Variants in SPATA21 observed in about 807,000 individuals in gnomAD.
SPATA21 encodes the protein spermatogenesis associated 21.
Under a neutral mutation model 54.8 loss-of-function variants are expected in SPATA21, and 47 were observed. That is an observed-to-expected ratio of 0.86 (90% CI 0.68 to 1.09). The LOEUF is 1.09. Among genes scored for constraint, SPATA21 ranks in the 50% least tolerant of loss-of-function variants. The pLI, the probability that SPATA21 is intolerant of heterozygous loss-of-function variation, is 0.00. For missense variants in SPATA21, 599 were observed against 596.4 expected, an observed-to-expected ratio of 1.00 and a Z score of -0.05; for synonymous variants, 245 against 235.3, an observed-to-expected ratio of 1.04 and a Z score of -0.38.
Position 16,428,255 on chromosome 1 carries a change from A to G in SPATA21, c.34+3083T>C, listed in dbSNP as rs2086371350. On this transcript the variant is annotated intron_variant, in intron 3 of 12. Coordinates refer to ENST00000335496, the MANE Select transcript of SPATA21 (RefSeq NM_198546.1). The surrounding 1 kb of genome is among the most constrained non-coding windows in gnomAD (Gnocchi z 4.3). ...TCTGGTATGAACTGGAGTCCAGATT[A>G]GTACCCGAGACAAGGGGATTGCCTT... Among the ~76,000 whole-genome samples, 1 of 152,204 alleles carries G rather than the reference A, an allele frequency of 6.6e-6. No individual in the cohort carries two copies.
chr1:16,411,868 C>G (rs12757664), intron 5 of SPATA21, among the ~76,000 whole-genome samples: 44,921 of 150,762 alleles, frequency 0.3, 6,968 homozygotes, highest in Non-Finnish European at 0.33. Context: ...TTCTCTGCTC[C>G]CCTTCTATTG....
chr1:16,424,226 T>G (rs1557668419), intron 3 of SPATA21, among the ~76,000 whole-genome samples: 1 of 97,334 alleles, frequency 1.0e-5, no homozygotes, highest in African/African-American at 4.1e-5. Flanking sequence ...GGCAGGAGAA[T>G]GGCATGAACC....
chr1:16,417,693 C>T (rs2086052885), intron 5 of SPATA21, among the ~76,000 whole-genome samples: 1 of 152,074 alleles, frequency 6.6e-6, no homozygotes, highest in Admixed American at 6.6e-5. Context: ...CCTCGGCCTC[C>T]CAAAGTGCTG....
At position 16,399,420 on chromosome 1, in the gene SPATA21, G is replaced by A; in HGVS notation, c.1276C>T (p.Leu426=). The change falls in exon 12 of 13, where the codon CTA becomes TTA. Residue 426 remains leucine (L), a synonymous_variant. Coordinates refer to ENST00000335496, the MANE Select transcript of SPATA21 (RefSeq NM_198546.1). ...AGGCCAGGGGGTGTGCACTGGTCTA[G>A]TGCATAGTGGTTGCTCGGCTGCCTA... ...VRRQPSNHYA[L]DQCTPPGLDP... The A allele has an allele frequency of 6.2e-7, 1 of 1,614,168 alleles. No homozygotes were observed. The highest frequency in any genetic ancestry group is 1.7e-5 in the Admixed American group (1 of 60,018).
chr1:16,400,302 C>G (rs1314959570), intron 11 of SPATA21, among the ~76,000 whole-genome samples: 1 of 152,172 alleles, frequency 6.6e-6, no homozygotes, highest in Non-Finnish European at 1.5e-5. Flanking sequence ...CAGATGTGAG[C>G]CACTGTGCCT....
rs2086385146 is a variant in SPATA21 at position 16,428,832 on chromosome 1, A to G, written c.34+2506T>C. Among the ~76,000 whole-genome samples the G allele has an allele frequency of 6.6e-6, 1 of 152,154 alleles. No individual in the cohort carries two copies. The highest frequency in any genetic ancestry group is 1.5e-5 in the Non-Finnish European group (1 of 68,022). On this transcript the variant is annotated intron_variant, in intron 3 of 12. Transcript: ENST00000335496. The surrounding 1 kb of genome is among the most constrained non-coding windows in gnomAD (Gnocchi z 4.3). ...GACATTGATATAATACAAGATTCTG[A>G]TGTGAGCTAATACTAACAGGCACCT...
chr1:16,404,928 C>A, intron 8 of SPATA21, 39 bp downstream of exon 8: 1 of 1,521,450 alleles, frequency 6.6e-7, no homozygotes. Context: ...GTGAAGCAGG[C>A]CCTGCCTGGG....
At chr1:16,419,315 G>A (rs533772891) in intron 5 of SPATA21, among the ~76,000 whole-genome samples, 2 of 152,294 alleles carry the variant, frequency 1.3e-5, no homozygotes, top group African/African-American at 4.8e-5. Flanking sequence ...CTAGACATAG[G>A]GCTTTATGGC....
chr1:16,430,519 T>G (rs112684400), intron 3 of SPATA21, among the ~76,000 whole-genome samples: 3,080 of 152,140 alleles, frequency 0.02, 118 homozygotes, highest in African/African-American at 0.071. Context: ...CAGGCTGGGC[T>G]CTGGGGAGGG....
rs1484404409 is a variant in SPATA21, at chr1:16,411,360, A to C, written c.145-1317T>G. ...CACCACCAGGCCTGGCTAATATTTTAATTTTTTGTAGAGACAGGGTCTTGT... is the reference window on the plus strand; with the variant it reads ...CACCACCAGGCCTGGCTAATATTTTCATTTTTTGTAGAGACAGGGTCTTGT... On this transcript the variant is annotated intron_variant, in intron 5 of 12. Coordinates refer to ENST00000335496, the MANE Select transcript of SPATA21 (RefSeq NM_198546.1). Among the ~76,000 whole-genome samples the C allele has an allele frequency of 2.0e-5, 3 of 151,450 alleles. No homozygotes were observed. The East Asian group carries it at 5.8e-4, about 29-fold the overall frequency.
rs771731491 is a variant in SPATA21 at position 16,403,709 on chromosome 1, ACAACCGGCCCCACT to A, written c.1001+4_1001+17del. On this transcript the variant is annotated splice_donor_5th_base_variant and intron_variant, in intron 10 of 12. Coordinates refer to ENST00000335496, the MANE Select transcript of SPATA21 (RefSeq NM_198546.1). Reference sequence around the variant, plus strand: ...CTGTGTCCACAACCCTTCACCCCCAACAACCGGCCCCACTCACTTTGTGATTTCCTCTAAGACTG... The same window carrying A: ...CTGTGTCCACAACCCTTCACCCCCAACACTTTGTGATTTCCTCTAAGACTG... The A allele has an allele frequency of 2.1e-5, 33 of 1,606,310 alleles. 1 individual carries two copies. The South Asian group carries it at 3.4e-4, about 17-fold the overall frequency.
At chr1:16,403,483 C>CTTTTCTTTTTTTTT (rs2085517568) in intron 10 of SPATA21, among the ~76,000 whole-genome samples, 1 of 117,118 alleles carries the variant, frequency 8.5e-6, no homozygotes. Flanking sequence ...TAGTTTTTTT[C>CTTTTCTTTTTTTTT]TTTTTTTTCT....
rs1234690513 is a variant in SPATA21, at chr1:16,428,561, T to A, written c.34+2777A>T. ...TGCGCCACCATGCCCAACTAATTTTTTTTTTTTATTTTTTTTGTAGGCCAG... is the reference window on the plus strand; with the variant it reads ...TGCGCCACCATGCCCAACTAATTTTATTTTTTTATTTTTTTTGTAGGCCAG... On this transcript the variant is annotated intron_variant, in intron 3 of 12. Transcript: ENST00000335496. This position sits in a 1 kb window ranked among gnomAD's most constrained non-coding sequence, Gnocchi z 4.3. Among the ~76,000 whole-genome samples, 1 of 151,704 alleles carries A rather than the reference T, an allele frequency of 6.6e-6. No individual in the cohort carries two copies. The highest frequency in any genetic ancestry group is 2.1e-4 in the South Asian group (1 of 4,824).
chr1:16,427,266 C>T (rs2086348163), intron 3 of SPATA21, among the ~76,000 whole-genome samples: 1 of 151,944 alleles, frequency 6.6e-6, no homozygotes, highest in Non-Finnish European at 1.5e-5. Context: ...CAGTGGGCCT[C>T]GGACCTGGCT....
chr1:16,409,515 G>C lies in SPATA21; in HGVS notation c.587+86C>G. 6 of 1,370,700 alleles carry C rather than the reference G, an allele frequency of 4.4e-6. No individual in the cohort carries two copies. Among genetic ancestry groups the C allele is most frequent in the Non-Finnish European group, 6.0e-6 (6 of 1,004,686 alleles). 84.9% of individuals were successfully genotyped at this position (1,370,700 alleles called of 1,614,324 possible). ...GGGGGACACACGAGGGAACAGGCAG[G>C]TGCAGGGACAGGGACCTGCATCCGG... On this transcript the variant is annotated intron_variant, in intron 6 of 12. Coordinates refer to ENST00000335496, the MANE Select transcript of SPATA21 (RefSeq NM_198546.1). This position sits in a 1 kb window ranked among gnomAD's most constrained non-coding sequence, Gnocchi z 4.1.
chr1:16,419,746 C>T (rs1020975147), intron 5 of SPATA21, among the ~76,000 whole-genome samples: 7 of 152,022 alleles, frequency 4.6e-5, no homozygotes, highest in Non-Finnish European at 7.4e-5. Context: ...TCGAGAGCAG[C>T]CTGACCAATA....
chr1:16,421,462 CT>C lies in SPATA21; in HGVS notation c.144+46del. 1 of 1,568,224 alleles carries C rather than the reference CT, an allele frequency of 6.4e-7. No individual in the cohort carries two copies. Among genetic ancestry groups the C allele is most frequent in the Non-Finnish European group, 8.7e-7 (1 of 1,155,032 alleles). ...TCTTCCTCCTCCTGATCCCCCCTGC[CT>C]TTCTCCTACACAGCTCGTCCCCGTT... On this transcript the variant is annotated intron_variant, in intron 5 of 12. Coordinates refer to ENST00000335496, the MANE Select transcript of SPATA21 (RefSeq NM_198546.1). The surrounding 1 kb of genome is among the most constrained non-coding windows in gnomAD (Gnocchi z 5.2).
intron 3 of SPATA21, among the ~76,000 whole-genome samples, chr1:16,423,185 G>T (rs943292236): frequency 6.8e-5 from 10 of 147,798 alleles, no homozygotes; most frequent in African/African-American, 2.3e-4. Context: ...GGCCTAAGTG[G>T]GTGGATCACA....
At chr1:16,414,823 G>A (rs2085951164) in intron 5 of SPATA21, among the ~76,000 whole-genome samples, 1 of 146,118 alleles carries the variant, frequency 6.8e-6, no homozygotes, top group Non-Finnish European at 1.5e-5. Context: ...AACCTGGGAG[G>A]TGGAGGTTGA....
Sources: gnomAD v4.1 joint callset for allele counts (sites outside exome capture counted in the v4.1 genomes callset) on GRCh38, gnomAD v4.1.1 for gene constraint, Gnocchi (gnomAD v3.1) non-coding constraint, MANE v1.5 for transcripts, NCBI Gene and HGNC (gene_info 2026-07-23, HGNC 2026-07-21) for gene names.